ATXN2: variants seen among roughly 807,000 people sequenced by gnomAD.
The protein encoded by ATXN2 is ataxin 2.
Under a neutral mutation model 138.6 loss-of-function variants are expected in ATXN2, and 37 were observed. The ratio of observed to expected loss-of-function variants is 0.27; its 90% CI spans 0.21 to 0.35. ATXN2 has a LOEUF of 0.35. Ranked by LOEUF, ATXN2 falls within the 10% of genes least tolerant of loss-of-function variation. The pLI is 1.00. For synonymous variants in ATXN2, 549 were observed against 543.7 expected (o/e 1.01, Z -0.13); for missense variants, 1,216 against 1,480.3 (o/e 0.82, Z 2.93).
Position 111,598,012 on chromosome 12 carries a change from A to AGGCCGGGACGG in ATXN2, c.251+761_251+771dup. The AGGCCGGGACGG allele has an allele frequency of 7.5e-6, 9 of 1,195,508 alleles. No homozygotes were observed. The highest frequency in any genetic ancestry group is 9.5e-6 in the Non-Finnish European group (9 of 942,976). 74.1% of individuals were successfully genotyped at this position (1,195,508 alleles called of 1,614,324 possible). A position where few individuals can be genotyped will look rare whatever the true frequency, so the allele number is the denominator to read the frequency against. On this transcript the variant is annotated intron_variant, in intron 1 of 24. Coordinates refer to ENST00000673436, the MANE Select transcript of ATXN2 (RefSeq NM_001372574.1). This position sits in a 1 kb window ranked among gnomAD's most constrained non-coding sequence, Gnocchi z 4.5. ...GAGAGGTCTGGCGGGGGAAGGAGGA[A>AGGCCGGGACGG]GGCCGGGACGGGGCCGGGCACTCCC...
Position 111,516,520 on chromosome 12 carries a change from T to G in ATXN2, c.1166-157A>C, listed in dbSNP as rs1473406427. On this transcript the variant is annotated intron_variant, in intron 9 of 24. Transcript: ENST00000673436. This position sits in a 1 kb window ranked among gnomAD's most constrained non-coding sequence, Gnocchi z 5.0. ...GATTTGTGATAAGTTTTAGCATAAC[T>G]TAACTGACATAAATTCACATTTTAC... is the stretch of plus-strand genomic sequence containing the variant. Among the ~76,000 whole-genome samples the G allele has an allele frequency of 1.3e-5, 2 of 152,254 alleles. No individual in the cohort carries two copies. The highest frequency in any genetic ancestry group is 1.3e-4 in the Admixed American group (2 of 15,292).
At chr12:111,493,281 G>A (rs1042445067) in intron 14 of ATXN2, among the ~76,000 whole-genome samples, 2 of 151,910 alleles carry the variant, frequency 1.3e-5, no homozygotes, top group Admixed American at 6.6e-5. Flanking sequence ...GTAGCTGGGC[G>A]TGGTGGCACA....
rs1592858844 is a variant in ATXN2, at chr12:111,522,355, T to C, written c.697-1382A>G. 2.7e-5 allele frequency among the ~76,000 whole-genome samples: 4 copies of C among 150,760 alleles called. No homozygotes were observed. The South Asian group carries it at 8.4e-4, about 32-fold the overall frequency. ...GCCGGGCACGGTGGCTCATGCCTGGTATCCCAGCACTTTGGGAGGCCGAGG... is the reference window on the plus strand; with the variant it reads ...GCCGGGCACGGTGGCTCATGCCTGGCATCCCAGCACTTTGGGAGGCCGAGG... On this transcript the variant is annotated intron_variant, in intron 6 of 24. Transcript: ENST00000673436.
At chr12:111,570,076 T>G (rs574354215) in intron 1 of ATXN2, among the ~76,000 whole-genome samples, 4 of 152,208 alleles carry the variant, frequency 2.6e-5, no homozygotes, top group Non-Finnish European at 4.4e-5. Flanking sequence ...GAACCATGTG[T>G]GGAAGTAGCC....
intron 7 of ATXN2, 146 bp from the exon 8 acceptor site, chr12:111,520,222 TGATCTGTGTA>T: frequency 3.7e-6 from 4 of 1,095,024 alleles, no homozygotes; most frequent in Non-Finnish European, 5.1e-6. Context: ...AAAGTTATAG[TGATCTGTGTA>T]TTTATAAATC....
In ATXN2 at chr12:111,557,811, T is replaced by C. The variant is rs573312551; in HGVS notation, c.252-1892A>G. On this transcript the variant is annotated intron_variant, in intron 1 of 24. Coordinates refer to ENST00000673436, the MANE Select transcript of ATXN2 (RefSeq NM_001372574.1). ...CAGTTTTGGTAGGGGTGTGGGGGGG[T>C]GTACTTATAGTCTGTACATGAAGGC... Among the ~76,000 whole-genome samples the C allele has an allele frequency of 2.6e-5, 4 of 152,164 alleles. No homozygotes were observed. The East Asian group carries it at 7.7e-4, about 29-fold the overall frequency.
intron 1 of ATXN2, among the ~76,000 whole-genome samples, chr12:111,573,635 A>G (rs1883461212): frequency 6.6e-6 from 1 of 152,214 alleles, no homozygotes; most frequent in Non-Finnish European, 1.5e-5. Context: ...ACCTAAAGGC[A>G]ATTTCCTTAA....
chr12:111,489,698 G>C (rs1026475645), intron 14 of ATXN2, among the ~76,000 whole-genome samples: 1 of 151,018 alleles, frequency 6.6e-6, no homozygotes, highest in African/African-American at 2.4e-5. Context: ...GAGACAAGCA[G>C]ACTGCTTAAG....
intron 18 of ATXN2, chr12:111,471,966 T>A (rs1322115678): frequency 1.3e-5 from 2 of 152,144 alleles, no homozygotes; most frequent in Non-Finnish European, 2.9e-5. Flanking sequence ...AATTCTCATG[T>A]TAAAACATGA....
chr12:111,488,440 G>T, intron 15 of ATXN2, 36 bp downstream of exon 15: 2 of 1,554,310 alleles, frequency 1.3e-6, no homozygotes, highest in South Asian at 1.2e-5. Context: ...AAAGTTAATT[G>T]AGTAACAGGA....
intron 12 of ATXN2, 135 bp downstream of exon 12, chr12:111,510,250 A>T: frequency 1.9e-6 from 2 of 1,035,072 alleles, no homozygotes; most frequent in Non-Finnish European, 2.8e-6. Context: ...ATCAAAATTT[A>T]CATAAACTTT....
intron 21 of ATXN2, among the ~76,000 whole-genome samples, chr12:111,462,186 G>C (rs985339146): frequency 6.5e-4 from 99 of 152,248 alleles, no homozygotes; most frequent in Middle Eastern, 3.4e-3. Flanking sequence ...TTAGATTAAA[G>C]ATAATCAAAG....
At chr12:111,544,155 G>A (rs1299455745) in intron 5 of ATXN2, among the ~76,000 whole-genome samples, 1 of 152,022 alleles carries the variant, frequency 6.6e-6, no homozygotes, top group East Asian at 1.9e-4. Flanking sequence ...TCTAGGGTGA[G>A]GGTATACAGT....
intron 2 of ATXN2, among the ~76,000 whole-genome samples, chr12:111,555,148 G>T (rs575315146): frequency 6.6e-6 from 1 of 151,994 alleles, no homozygotes; most frequent in Non-Finnish European, 1.5e-5. Context: ...AAAAATGAAA[G>T]CAGCAGAAAA....
chr12:111,559,868 G>GA lies in ATXN2; in HGVS notation c.252-3950dup, dbSNP rs527954175. Among the ~76,000 whole-genome samples the GA allele has an allele frequency of 2.7e-3, 404 of 149,936 alleles. 3 individuals are homozygous for GA. Among genetic ancestry groups the GA allele is most frequent in the Non-Finnish European group, 4.7e-3 (320 of 67,616 alleles). ...ACTTATATTGCACCATAATTTAGGA[G>GA]AAAAAAAACTCACAATCTCTTCCCA... On this transcript the variant is annotated intron_variant, in intron 1 of 24. Transcript: ENST00000673436.
chr12:111,567,465 A>C (rs983472113), intron 1 of ATXN2, among the ~76,000 whole-genome samples: 20 of 151,676 alleles, frequency 1.3e-4, no homozygotes, highest in African/African-American at 4.6e-4. Flanking sequence ...GAGCCACTGC[A>C]CTCCAGCCTG....
chr12:111,479,852 TA>T (rs1291660757), intron 18 of ATXN2, among the ~76,000 whole-genome samples: 1 of 122,212 alleles, frequency 8.2e-6, no homozygotes, highest in Non-Finnish European at 1.5e-5. Context: ...TGATTCCATT[TA>T]TTAAAAAAAA....
At chr12:111,479,321 G>GGCA (rs1004260146) in intron 18 of ATXN2, among the ~76,000 whole-genome samples, 2 of 148,906 alleles carry the variant, frequency 1.3e-5, no homozygotes, top group African/African-American at 5.0e-5. Flanking sequence ...GGGAGGCCAA[G>GGCA]GCAGGTGGAT....
chr12:111,511,884 G>A (rs1030261852), intron 11 of ATXN2: 1 of 152,246 alleles, frequency 6.6e-6, no homozygotes, highest in Non-Finnish European at 1.5e-5. Context: ...TGCATCACAT[G>A]AAGCTGAGCA....
Sources: allele counts gnomAD v4.1 joint callset (sites outside exome capture counted in the v4.1 genomes callset), GRCh38; gene constraint gnomAD v4.1.1; non-coding constraint Gnocchi (gnomAD v3.1); transcripts MANE v1.5; gene names NCBI Gene and HGNC (gene_info 2026-07-23, HGNC 2026-07-21).